Variants in GALNT10 observed in about 807,000 individuals in gnomAD.
GALNT10 encodes the protein polypeptide N-acetylgalactosaminyltransferase 10.
A neutral mutation model predicts 75.0 loss-of-function variants in GALNT10; 41 were observed. The observed-to-expected ratio is 0.55, with a 90% confidence interval of 0.43 to 0.71. The LOEUF (loss-of-function observed/expected upper bound fraction) is 0.71, where lower values mean the gene tolerates loss of function less well. Among genes scored for constraint, GALNT10 ranks in the 30% least tolerant of loss-of-function variants. The pLI is 0.00. For synonymous variants in GALNT10, 302 were observed against 313.0 expected (o/e 0.96, Z 0.37); for missense variants, 727 against 818.5 (o/e 0.89, Z 1.36).
chr5:154,352,986 C>T lies in GALNT10; in HGVS notation c.568+23248C>T, dbSNP rs528189770. ...ACTTGGATCCAGGAATCCTCACCAG[C>T]TCTGACCTCTTCTCCCCTCCTCTCT... is the stretch of plus-strand genomic sequence containing the variant. On this transcript the variant is annotated intron_variant, in intron 4 of 11. Coordinates refer to ENST00000297107, the MANE Select transcript of GALNT10 (RefSeq NM_198321.4). The surrounding 1 kb of genome is among the most constrained non-coding windows in gnomAD (Gnocchi z 4.4). Among the ~76,000 whole-genome samples the T allele has an allele frequency of 6.6e-6, 1 of 152,266 alleles. No individual in the cohort carries two copies. Among genetic ancestry groups the T allele is most frequent in the East Asian group, 1.9e-4 (1 of 5,184 alleles).
At chr5:154,286,089 A>G (rs527544093) in intron 1 of GALNT10, among the ~76,000 whole-genome samples, 6 of 152,312 alleles carry the variant, frequency 3.9e-5, no homozygotes, top group Admixed American at 3.3e-4. Flanking sequence ...CTATCTTTGT[A>G]CCATGTACCC....
chr5:154,276,447 G>C (rs181019470), intron 1 of GALNT10, among the ~76,000 whole-genome samples: 159 of 150,322 alleles, frequency 1.1e-3, no homozygotes, highest in African/African-American at 3.4e-3. Context: ...AGCTTTTTGT[G>C]TGTGATTAGG....
intron 1 of GALNT10, among the ~76,000 whole-genome samples, chr5:154,232,553 A>G (rs1412459107): frequency 1.3e-5 from 2 of 152,214 alleles, no homozygotes; most frequent in African/African-American, 4.8e-5. Context: ...AAGGAAACAA[A>G]TAGGCTGGCA....
intron 3 of GALNT10, among the ~76,000 whole-genome samples, chr5:154,311,934 A>T (rs148161803): frequency 6.6e-6 from 1 of 152,144 alleles, no homozygotes; most frequent in Non-Finnish European, 1.5e-5. Context: ...TTTAAATCTG[A>T]ATCCTCTGTC....
At chr5:154,397,256 T>C (rs1756039283) in intron 7 of GALNT10, among the ~76,000 whole-genome samples, 1 of 152,088 alleles carries the variant, frequency 6.6e-6, no homozygotes, top group African/African-American at 2.4e-5. Flanking sequence ...GAGGTTGTCC[T>C]TTCATGGTGG....
chr5:154,264,867 T>C (rs1220003036), intron 1 of GALNT10, among the ~76,000 whole-genome samples: 6 of 152,166 alleles, frequency 3.9e-5, no homozygotes, highest in Admixed American at 3.9e-4. Flanking sequence ...GTGCCTGAAA[T>C]CTACAGCCCA....
chr5:154,251,352 T>G (rs1753519157), intron 1 of GALNT10, among the ~76,000 whole-genome samples: 1 of 152,194 alleles, frequency 6.6e-6, no homozygotes, highest in South Asian at 2.1e-4. Flanking sequence ...ATCTACAGGT[T>G]TCCCCTTCAT....
chr5:154,360,704 A>T (rs1755372157), intron 4 of GALNT10, among the ~76,000 whole-genome samples: 1 of 152,218 alleles, frequency 6.6e-6, no homozygotes, highest in African/African-American at 2.4e-5. Context: ...CAGATTAAAG[A>T]TCATGGTCAA....
At chr5:154,328,846 G>T (rs1754799018) in intron 3 of GALNT10, among the ~76,000 whole-genome samples, 1 of 152,114 alleles carries the variant, frequency 6.6e-6, no homozygotes, top group Non-Finnish European at 1.5e-5. Flanking sequence ...CAAATGAACA[G>T]CCAGATGAAG....
intron 3 of GALNT10, among the ~76,000 whole-genome samples, chr5:154,315,398 G>C (rs915616952): frequency 1.3e-5 from 2 of 152,210 alleles, no homozygotes; most frequent in Admixed American, 1.3e-4. Context: ...TGCCTGAAAG[G>C]GGAAATTTTT....
At chr5:154,276,332 T>C (rs895186090) in intron 1 of GALNT10, among the ~76,000 whole-genome samples, 3 of 152,150 alleles carry the variant, frequency 2.0e-5, no homozygotes, top group Non-Finnish European at 2.9e-5. Context: ...AGGCTACCCA[T>C]ACATGGCCCC....
intron 1 of GALNT10, among the ~76,000 whole-genome samples, chr5:154,264,298 GCAAGAC>G (rs1227937681): frequency 2.1e-4 from 26 of 125,468 alleles, no homozygotes; most frequent in African/African-American, 8.3e-4. Context: ...GGGAGACAGA[GCAAGAC>G]TCTGTCTCCA....
intron 1 of GALNT10, among the ~76,000 whole-genome samples, chr5:154,269,857 G>T (rs1753835116): frequency 6.6e-6 from 1 of 152,228 alleles, no homozygotes; most frequent in African/African-American, 2.4e-5. Context: ...CCAAGGGGAA[G>T]CCCACAGTGA....
At chr5:154,216,638 C>T (rs1416832447) in intron 1 of GALNT10, among the ~76,000 whole-genome samples, 1 of 152,162 alleles carries the variant, frequency 6.6e-6, no homozygotes, top group Non-Finnish European at 1.5e-5. Flanking sequence ...AATGCACCTC[C>T]AAGTCTTACC....
intron 9 of GALNT10, among the ~76,000 whole-genome samples, chr5:154,410,679 T>C (rs1385911248): frequency 1.3e-5 from 2 of 152,212 alleles, no homozygotes. Context: ...CTTCTTAGGA[T>C]GCTGTTGCCC....
intron 9 of GALNT10, among the ~76,000 whole-genome samples, chr5:154,411,799 G>A (rs76685203): frequency 0.017 from 2,592 of 152,244 alleles, 58 homozygotes; most frequent in African/African-American, 0.059. Context: ...GATTAGACAC[G>A]CAAGAGATTT....
chr5:154,409,375 A>C lies in GALNT10; in HGVS notation c.1165-166A>C. ...CTGTGAAGCCCTTAAAACATGCATAATGATAAATAGAAACACAGAAGGCCT... is the reference window on the plus strand; with the variant it reads ...CTGTGAAGCCCTTAAAACATGCATACTGATAAATAGAAACACAGAAGGCCT... On this transcript the variant is annotated intron_variant, in intron 8 of 11. Transcript: ENST00000297107. The surrounding 1 kb of genome is among the most constrained non-coding windows in gnomAD (Gnocchi z 4.5). The C allele has an allele frequency of 1.5e-6, 1 of 687,912 alleles. No individual in the cohort carries two copies. The highest frequency in any genetic ancestry group is 2.6e-6 in the Non-Finnish European group (1 of 379,838). The allele number at this position is 687,912 out of a possible 1,614,324, so 42.6% of individuals were successfully genotyped here. A position where few individuals can be genotyped will look rare whatever the true frequency, so the allele number is the denominator to read the frequency against.
intron 6 of GALNT10, among the ~76,000 whole-genome samples, chr5:154,383,723 T>C (rs942724018): frequency 6.6e-6 from 1 of 152,260 alleles, no homozygotes; most frequent in Admixed American, 6.5e-5. Context: ...TGTCAGCCTT[T>C]CCAAGCGGTA....
At chr5:154,228,380 C>T (rs1753094488) in intron 1 of GALNT10, among the ~76,000 whole-genome samples, 2 of 152,174 alleles carry the variant, frequency 1.3e-5, no homozygotes, top group Non-Finnish European at 1.5e-5. Flanking sequence ...ATTAGTTGCC[C>T]ATATATGCAT....
Sources: gnomAD v4.1 joint callset for allele counts (sites outside exome capture counted in the v4.1 genomes callset) on GRCh38, gnomAD v4.1.1 for gene constraint, Gnocchi (gnomAD v3.1) non-coding constraint, MANE v1.5 for transcripts, NCBI Gene and HGNC (gene_info 2026-07-23, HGNC 2026-07-21) for gene names.